Variants in URGCP observed in about 807,000 individuals in gnomAD.
URGCP encodes up-regulator of cell proliferation.
In URGCP, 13 loss-of-function variants were observed where a neutral mutation model predicts 24.6. The observed-to-expected ratio is 0.53, with a 90% confidence interval of 0.34 to 0.84. The LOEUF (loss-of-function observed/expected upper bound fraction) is 0.84. Ranked by LOEUF, URGCP falls within the 40% of genes least tolerant of loss-of-function variation. URGCP has a pLI of 0.01. For synonymous variants in URGCP, 444 were observed against 487.2 expected (o/e 0.91, Z 1.17); for missense variants, 899 against 1,194.3 (o/e 0.75, Z 3.64).
At chr7:43,883,295 C>T (rs912527407) in intron 3 of URGCP, among the ~76,000 whole-genome samples, 21 of 144,222 alleles carry the variant, frequency 1.5e-4, no homozygotes, top group East Asian at 8.0e-4. Flanking sequence ...AAAAGTAACA[C>T]CTAGGTTCCA....
Position 43,877,144 on chromosome 7 carries a change from G to A in URGCP, c.2319C>T (p.Ser773=), listed in dbSNP as rs1369759942. 1 of 1,614,212 alleles carries A rather than the reference G, an allele frequency of 6.2e-7. No homozygotes were observed. The highest frequency in any genetic ancestry group is 8.5e-7 in the Non-Finnish European group (1 of 1,180,020). ...TCAGTCCCATGAGCAGAGTGGCCAAGGAAGCCTCCAGCTCAAATCTGTCCC... is the reference window on the plus strand; with the variant it reads ...TCAGTCCCATGAGCAGAGTGGCCAAAGAAGCCTCCAGCTCAAATCTGTCCC... ...SAGDRFELEA[S]LATLLMGLSN... The change falls in exon 6 of 6, where the codon TCC becomes TCT. Residue 773 remains serine, a synonymous_variant. Transcript: ENST00000453200.
Position 43,876,772 on chromosome 7 carries a change from T to C in URGCP, c.2691A>G (p.Glu897=). ...PMAAVSLAYS[E]AIFELKRCLL... is the part of the protein sequence containing the mutation. ...GGCATCTCTTCAATTCAAATATGGC[T>C]TCACTGTAGGCCAAGCTCACTGCGG... Residue 897 remains glutamate (E), a synonymous_variant, in exon 6 of 6, where the codon GAA becomes GAG. Coordinates refer to ENST00000453200, the MANE Select transcript of URGCP (RefSeq NM_001077663.3). 6.2e-7 allele frequency: 1 copy of C among 1,614,246 alleles called. No individual in the cohort carries two copies. The highest frequency in any genetic ancestry group is 8.5e-7 in the Non-Finnish European group (1 of 1,180,036).
chr7:43,887,337 T>A, intron 3 of URGCP, 78 bp downstream of exon 3: 1 of 1,554,450 alleles, frequency 6.4e-7, no homozygotes, highest in Non-Finnish European at 8.7e-7. Context: ...CAGGAGGGGC[T>A]GGAACCCAGA....
In URGCP at chr7:43,878,181, C is replaced by T. The variant is rs549475424; in HGVS notation, c.1282G>A (p.Val428Met). 41 of 1,614,236 alleles carry T rather than the reference C, an allele frequency of 2.5e-5. No homozygotes were observed. The South Asian group carries it at 3.7e-4, about 15-fold the overall frequency. Residue 428 changes from valine to methionine, a missense_variant, in exon 6 of 6, where the codon GTG (valine) becomes ATG (methionine). Transcript: ENST00000453200. The surrounding 1 kb of genome is among the most constrained non-coding windows in gnomAD (Gnocchi z 5.6). ...KVSSTDSDSF[V>M]KRIRAIVGNV... is the part of the protein sequence containing the mutation. ...CCAACGATGGCCCGGATCCTCTTCACGAAGCTGTCGCTGTCAGTGCTGCTG... is the reference window on the plus strand; with the variant it reads ...CCAACGATGGCCCGGATCCTCTTCATGAAGCTGTCGCTGTCAGTGCTGCTG...
At chr7:43,919,923 C>T (rs1044728903) in intron 1 of URGCP, 4 of 1,321,824 alleles carry the variant, frequency 3.0e-6, no homozygotes, top group South Asian at 1.2e-5. Context: ...GGAGCCGTTC[C>T]GCAAGGAGGA....
chr7:43,877,338 G>C lies in URGCP; in HGVS notation c.2125C>G (p.Leu709Val), dbSNP rs754447536. The C allele has an allele frequency of 2.5e-6, 4 of 1,612,774 alleles. No individual in the cohort carries two copies. Among genetic ancestry groups the C allele is most frequent in the Non-Finnish European group, 3.4e-6 (4 of 1,180,018 alleles). ...GVPGTGKSTLLNTMFGLRFAT... is the reference protein window; with the variant it reads ...GVPGTGKSTLVNTMFGLRFAT... Reference sequence around the variant, plus strand: ...AACCGCAGCCCAAACATGGTGTTGAGGAGTGTGGACTTGCCCGTGCCTGGC... The same window carrying C: ...AACCGCAGCCCAAACATGGTGTTGACGAGTGTGGACTTGCCCGTGCCTGGC... The change falls in exon 6 of 6, where the codon CTC (leucine) becomes GTC (valine). Residue 709 changes from leucine to valine, a missense_variant. Leu to Val is a conservative substitution (Grantham distance 32). Transcript: ENST00000453200.
chr7:43,899,255 G>T, intron 1 of URGCP, among the ~76,000 whole-genome samples: 1 of 146,056 alleles, frequency 6.8e-6, no homozygotes, highest in African/African-American at 2.5e-5. Flanking sequence ...ATGTTTAAAG[G>T]AGTATTCTAT....
At chr7:43,906,502 G>A (rs1203058518) in intron 1 of URGCP, 60 bp downstream of exon 1, 7 of 1,170,700 alleles carry the variant, frequency 6.0e-6, no homozygotes, top group Non-Finnish European at 6.3e-6. Flanking sequence ...GCCGCTCCGG[G>A]TCCCGCTCCC....
intron 1 of URGCP, among the ~76,000 whole-genome samples, chr7:43,912,508 T>A (rs552342098): frequency 5.3e-5 from 8 of 152,252 alleles, no homozygotes; most frequent in Admixed American, 5.2e-4. Flanking sequence ...TCAGGAAGTG[T>A]AAGTCCTCCA....
chr7:43,926,445 G>A (rs1395603884), upstream of URGCP: 4 of 1,218,966 alleles, frequency 3.3e-6, no homozygotes, highest in Non-Finnish European at 4.2e-6. Context: ...TGCGGCTCCC[G>A]GCGTGCAGCT....
intron 1 of URGCP, among the ~76,000 whole-genome samples, chr7:43,925,798 C>CTTTT (rs60736722): frequency 0.11 from 12,816 of 116,230 alleles, 1,973 homozygotes; most frequent in African/African-American, 0.33. Context: ...CCTCGTCTGG[C>CTTTT]TTTTTTTTTT....
Position 43,876,509 on chromosome 7 carries a change from C to G in URGCP, c.*158G>C. On this transcript the variant is annotated 3_prime_UTR_variant, in exon 6 of 6. Transcript: ENST00000453200. ...TGTGAGGTCACTTCCTCTTTTAACA[C>G]TGTTGAGGAGACTCCAAACCCTGTC... 1.3e-6 allele frequency: 1 copy of G among 746,376 alleles called. No individual in the cohort carries two copies. The highest frequency in any genetic ancestry group is 2.1e-6 in the Non-Finnish European group (1 of 466,114). The allele number at this position is 746,376 out of a possible 1,614,324, so 46.2% of individuals were successfully genotyped here.
At position 43,877,036 on chromosome 7, in the gene URGCP, C is replaced by T. The variant is rs765300809; in HGVS notation, c.2427G>A (p.Thr809=). The change falls in exon 6 of 6, where the codon ACG becomes ACA. Residue 809 remains threonine (T), a synonymous_variant. Transcript: ENST00000453200. ...CAAACTGGTAGTTGGGCATGTGCCC[C>T]GTTTTTTCTAACCTCAGAAATGCAT... ...ILHAFLRLEK[T]GHMPNYQFVY... is the part of the protein sequence containing the mutation. The T allele has an allele frequency of 2.3e-5, 37 of 1,614,102 alleles. No homozygotes were observed. In the Admixed American group the frequency reaches 2.5e-4, roughly 11 times the overall value.
At chr7:43,914,945 G>C (rs1430694860) in intron 1 of URGCP, among the ~76,000 whole-genome samples, 1 of 152,194 alleles carries the variant, frequency 6.6e-6, no homozygotes, top group African/African-American at 2.4e-5. Flanking sequence ...AATGCAGTAA[G>C]GGAAATCAAT....
rs1228567346 is a variant in URGCP at position 43,878,001 on chromosome 7, C to T, written c.1462G>A (p.Ala488Thr). Residue 488 changes from alanine to threonine, a missense_variant, in exon 6 of 6, where the codon GCC (alanine) becomes ACC (threonine). Physicochemically the swap from Ala to Thr is moderately conservative, Grantham distance 58 (BLOSUM62 0). Transcript: ENST00000453200. The surrounding 1 kb of genome is among the most constrained non-coding windows in gnomAD (Gnocchi z 5.6). ...RITRKIKDSD[A>T]YRRDELRLQG... is the part of the protein sequence containing the mutation. Reference sequence around the variant, plus strand: ...AGCCTCAGCTCGTCCCTTCTGTAGGCATCCGAGTCTTTGATTTTCCTGGTA... The same window carrying T: ...AGCCTCAGCTCGTCCCTTCTGTAGGTATCCGAGTCTTTGATTTTCCTGGTA... 1 of 1,614,158 alleles carries T rather than the reference C, an allele frequency of 6.2e-7. No individual in the cohort carries two copies. Among genetic ancestry groups the T allele is most frequent in the Non-Finnish European group, 8.5e-7 (1 of 1,180,058 alleles).
intron 1 of URGCP, chr7:43,920,009 C>T: frequency 1.5e-6 from 2 of 1,314,282 alleles, no homozygotes; most frequent in Admixed American, 1.7e-5. Context: ...GGATGAGTAC[C>T]ACATGGCCAC....
rs1414369995 is a variant in URGCP, at chr7:43,881,682, G to T, written c.179C>A (p.Ala60Asp). 6.2e-7 allele frequency: 1 copy of T among 1,614,014 alleles called. No individual in the cohort carries two copies. The highest frequency in any genetic ancestry group is 1.3e-5 in the African/African-American group (1 of 74,982). Residue 60 changes from alanine to aspartate, a missense_variant, in exon 5 of 6, where the codon GCT becomes GAT. Physicochemically the swap from Ala to Asp is moderately radical, Grantham distance 126 (BLOSUM62 -2). Coordinates refer to ENST00000453200, the MANE Select transcript of URGCP (RefSeq NM_001077663.3). ...EFRYGDGTNE[A>D]QDNDFPTVER... ...ACCTGTTGGAAAATCATTGTCCTGA[G>T]CCTCATTTGTACCATCTATGGAAAA...
intron 1 of URGCP, among the ~76,000 whole-genome samples, chr7:43,895,709 G>GA (rs2095877348): frequency 6.6e-6 from 1 of 152,196 alleles, no homozygotes; most frequent in Admixed American, 6.6e-5. Context: ...TGCTGGTAAG[G>GA]ATGTGGAGTA....
At position 43,886,899 on chromosome 7, in the gene URGCP, C is replaced by T. The variant is rs199742103; in HGVS notation, c.112+516G>A. On this transcript the variant is annotated intron_variant, in intron 3 of 5. Coordinates refer to ENST00000453200, the MANE Select transcript of URGCP (RefSeq NM_001077663.3). ...CAAAGGGTGGCGTTACAGCCCCACC[C>T]CCAAATCCTCAGAGAAAGAAAAACC... Among the ~76,000 whole-genome samples the T allele has an allele frequency of 2.0e-5, 3 of 152,176 alleles. No individual in the cohort carries two copies. The East Asian group carries it at 5.8e-4, about 29-fold the overall frequency.
Sources: gnomAD v4.1 joint callset for allele counts (sites outside exome capture counted in the v4.1 genomes callset) on GRCh38, gnomAD v4.1.1 for gene constraint, Gnocchi (gnomAD v3.1) non-coding constraint, MANE v1.5 for transcripts, NCBI Gene and HGNC (gene_info 2026-07-23, HGNC 2026-07-21) for gene names.